Variants in FRA10AC1 observed in about 807,000 individuals in gnomAD.
The protein encoded by FRA10AC1 is protein FRA10AC1.
Under a neutral mutation model 56.5 loss-of-function variants are expected in FRA10AC1, and 43 were observed. The ratio of observed to expected loss-of-function variants is 0.76; its 90% CI spans 0.60 to 0.98. The LOEUF (loss-of-function observed/expected upper bound fraction) is 0.98. Ranked by LOEUF, FRA10AC1 falls within the 50% of genes least tolerant of loss-of-function variation. The pLI, the probability that FRA10AC1 is intolerant of heterozygous loss-of-function variation, is 0.00. For missense variants in FRA10AC1, 346 were observed against 351.8 expected (o/e 0.98, Z 0.13); for synonymous variants, 112 against 110.5 (o/e 1.01, Z -0.09).
chr10:93,697,441 C>T (rs770436433), intron 4 of FRA10AC1, among the ~76,000 whole-genome samples: 12 of 152,234 alleles, frequency 7.9e-5, no homozygotes, highest in Admixed American at 2.0e-4. Flanking sequence ...CTGTCTCCTT[C>T]TCCCAATTCT....
chr10:93,675,154 G>A (rs1239400844), intron 12 of FRA10AC1: 1 of 152,136 alleles, frequency 6.6e-6, no homozygotes, highest in Non-Finnish European at 1.5e-5. Flanking sequence ...ATATTCCTAA[G>A]AGAGGAATAC....
chr10:93,700,030 CT>C lies in FRA10AC1; in HGVS notation c.76del (p.Arg26GlyfsTer44), dbSNP rs755202796. ...RCGESSKRKK[R>X]TVEDDLLLQK... ...AGATCAATAAAAAAAAATTACTTAC[CT>C]TTTTTTCCTTTTGCTGGATTCTCCA... is the stretch of plus-strand genomic sequence containing the variant. On this transcript the variant is annotated frameshift_variant and splice_region_variant, in exon 2 of 14. Transcript: ENST00000359204. LOFTEE classifies it high-confidence loss of function. The C allele has an allele frequency of 1.5e-5, 23 of 1,531,264 alleles. No homozygotes were observed. The highest frequency in any genetic ancestry group is 2.7e-5 in the African/African-American group (2 of 73,454). 94.9% of individuals were successfully genotyped at this position (1,531,264 alleles called of 1,614,324 possible).
intron 12 of FRA10AC1, chr10:93,673,138 G>A (rs2058791599): frequency 3.1e-6 from 1 of 319,442 alleles, no homozygotes; most frequent in African/African-American, 2.2e-5. Context: ...TCCAGAGGCA[G>A]CCCATTTCTC....
chr10:93,683,124 A>G (rs1454885699), intron 10 of FRA10AC1, among the ~76,000 whole-genome samples: 1 of 152,210 alleles, frequency 6.6e-6, no homozygotes, highest in Non-Finnish European at 1.5e-5. Flanking sequence ...AGCACTTTAC[A>G]TGCACTTTCA....
intron 5 of FRA10AC1, among the ~76,000 whole-genome samples, chr10:93,694,364 T>C (rs1323766425): frequency 6.6e-6 from 1 of 151,864 alleles, no homozygotes; most frequent in Non-Finnish European, 1.5e-5. Flanking sequence ...TCCAAAAAAA[T>C]GGGATTCATG....
At chr10:93,689,695 C>T (rs2059093116) in intron 7 of FRA10AC1, among the ~76,000 whole-genome samples, 2 of 152,236 alleles carry the variant, frequency 1.3e-5, no homozygotes, top group Admixed American at 6.5e-5. Context: ...AAACAAATTA[C>T]ATTATATCCT....
In FRA10AC1 at chr10:93,694,926, A is replaced by C; in HGVS notation, c.231T>G (p.His77Gln). ...HLIAMDAYQR[H>Q]TKFVNDYILY... ...AAATATAGTCATTTACGAACTTTGTATGTCTTTGATACTGAAATGCAAAAA... is the reference window on the plus strand; with the variant it reads ...AAATATAGTCATTTACGAACTTTGTCTGTCTTTGATACTGAAATGCAAAAA... Residue 77 changes from histidine (H) to glutamine (Q), a missense_variant, in exon 5 of 14, where the codon CAT becomes CAG. Transcript: ENST00000359204. The C allele has an allele frequency of 1.5e-5, 22 of 1,492,074 alleles. No individual in the cohort carries two copies. The highest frequency in any genetic ancestry group is 2.1e-5 in the Non-Finnish European group (22 of 1,068,330). 92.4% of individuals were successfully genotyped at this position (1,492,074 alleles called of 1,614,324 possible).
intron 4 of FRA10AC1, among the ~76,000 whole-genome samples, chr10:93,696,647 A>G (rs1415964402): frequency 6.6e-6 from 1 of 152,240 alleles, no homozygotes; most frequent in Admixed American, 6.5e-5. Context: ...ATAAAGATAC[A>G]TGCACATGTA....
At chr10:93,697,998 T>C in intron 4 of FRA10AC1, 138 bp downstream of exon 4, 2 of 510,884 alleles carry the variant, frequency 3.9e-6, no homozygotes, top group East Asian at 3.2e-5. Context: ...AAAGTATAAA[T>C]GGCAAAATCC....
rs1252097891 is a variant in FRA10AC1, at chr10:93,669,270, T to C, written c.*556A>G. On this transcript the variant is annotated 3_prime_UTR_variant, in exon 14 of 14. Coordinates refer to ENST00000359204, the MANE Select transcript of FRA10AC1 (RefSeq NM_145246.5). Reference sequence around the variant, plus strand: ...AGACATACATAATATACTTTAATCCTAGTAATTTAAAATAATTGGCAGAGC... The same window carrying C: ...AGACATACATAATATACTTTAATCCCAGTAATTTAAAATAATTGGCAGAGC... 1 of 152,136 alleles carries C rather than the reference T, an allele frequency of 6.6e-6. No individual in the cohort carries two copies. Among genetic ancestry groups the C allele is most frequent in the East Asian group, 1.9e-4 (1 of 5,182 alleles). The allele number at this position is 152,136 out of a possible 1,614,324, so 9.4% of individuals were successfully genotyped here. A position where few individuals can be genotyped will look rare whatever the true frequency, so the allele number is the denominator to read the frequency against.
intron 4 of FRA10AC1, among the ~76,000 whole-genome samples, chr10:93,695,344 TA>T (rs201867829): frequency 0.018 from 2,705 of 151,956 alleles, 31 homozygotes; most frequent in Middle Eastern, 0.058. Context: ...AAATATAATT[TA>T]TCTATTTTAG....
chr10:93,693,692 C>CCATAT (rs2059181592), intron 5 of FRA10AC1, among the ~76,000 whole-genome samples: 4 of 80,602 alleles, frequency 5.0e-5, no homozygotes, highest in Admixed American at 1.4e-4. Flanking sequence ...ATATATATAC[C>CCATAT]ATATATATAT....
At chr10:93,681,399 C>T (rs893785118) in intron 11 of FRA10AC1, 81 bp downstream of exon 11, 1 of 896,518 alleles carries the variant, frequency 1.1e-6, no homozygotes, top group Non-Finnish European at 1.7e-6. Flanking sequence ...AATGCATTCA[C>T]CAATTAGATG....
chr10:93,696,128 A>G (rs1313512076), intron 4 of FRA10AC1, among the ~76,000 whole-genome samples: 3 of 152,218 alleles, frequency 2.0e-5, no homozygotes, highest in Non-Finnish European at 2.9e-5. Flanking sequence ...TATATATCAA[A>G]CATAAAAAGA....
rs760513353 is a variant in FRA10AC1, at chr10:93,670,850, T to G, written c.827-2A>C. ...CACTTTCTTCCTCATCAGAGTTTCCTGTTCATTTAAAAAAGATGATTTTTA... is the reference window on the plus strand; with the variant it reads ...CACTTTCTTCCTCATCAGAGTTTCCGGTTCATTTAAAAAAGATGATTTTTA... On this transcript the variant is annotated splice_acceptor_variant, in intron 12 of 13. Transcript: ENST00000359204. LOFTEE classifies it high-confidence loss of function. 1 of 1,604,066 alleles carries G rather than the reference T, an allele frequency of 6.2e-7. No individual in the cohort carries two copies.
At chr10:93,685,202 C>A (rs779951055) in intron 9 of FRA10AC1, 44 bp downstream of exon 9, 20 of 862,660 alleles carry the variant, frequency 2.3e-5, no homozygotes. Context: ...AAATTAAAGA[C>A]AAACTTGGAA....
At position 93,700,108 on chromosome 10, in the gene FRA10AC1, T is replaced by A. The variant is rs1392255203; in HGVS notation, c.1-2A>T. ...ATCATAGCCTCCATGACCATGCATCTGTAAAGGAGTACAAAGTCAGCTATT... is the reference window on the plus strand; with the variant it reads ...ATCATAGCCTCCATGACCATGCATCAGTAAAGGAGTACAAAGTCAGCTATT... On this transcript the variant is annotated splice_acceptor_variant, in intron 1 of 13. Coordinates refer to ENST00000359204, the MANE Select transcript of FRA10AC1 (RefSeq NM_145246.5). LOFTEE classifies it low-confidence loss of function (5UTR_SPLICE). The A allele has an allele frequency of 3.9e-6, 6 of 1,558,294 alleles. No homozygotes were observed. In the East Asian group the frequency reaches 1.1e-4, roughly 29 times the overall value.
intron 8 of FRA10AC1, chr10:93,685,577 A>C (rs1316905820): frequency 1.1e-5 from 4 of 374,966 alleles, no homozygotes; most frequent in Non-Finnish European, 1.9e-5. Context: ...TGCTTGATAG[A>C]CTGTATTTAG....
chr10:93,689,748 A>G (rs2059094670), intron 7 of FRA10AC1, among the ~76,000 whole-genome samples: 1 of 152,322 alleles, frequency 6.6e-6, no homozygotes, highest in South Asian at 2.1e-4. Context: ...TAAATGTCCT[A>G]GTTTGGATTA....
Sources: gnomAD v4.1 joint callset for allele counts (sites outside exome capture counted in the v4.1 genomes callset) on GRCh38, gnomAD v4.1.1 for gene constraint, MANE v1.5 for transcripts, NCBI Gene and HGNC (gene_info 2026-07-23, HGNC 2026-07-21) for gene names.